FAM228B: variants seen among roughly 807,000 people sequenced by gnomAD.
The protein encoded by FAM228B is protein FAM228B.
Under a neutral mutation model 42.6 loss-of-function variants are expected in FAM228B, and 38 were observed. The ratio of observed to expected loss-of-function variants is 0.89; its 90% CI spans 0.69 to 1.17. The LOEUF (loss-of-function observed/expected upper bound fraction) is 1.17. FAM228B is among the 50% of genes most tolerant of loss of function. The pLI, the probability that FAM228B is intolerant of heterozygous loss-of-function variation, is 0.00. For missense variants in FAM228B, 344 were observed against 367.3 expected (o/e 0.94, Z 0.52); for synonymous variants, 109 against 122.3 (o/e 0.89, Z 0.72).
rs1034867868 is a variant in FAM228B at position 24,123,484 on chromosome 2, C to A, written c.-82C>A. 6.6e-6 allele frequency: 1 copy of A among 152,170 alleles called. No homozygotes were observed. Among genetic ancestry groups the A allele is most frequent in the East Asian group, 1.9e-4 (1 of 5,178 alleles). The allele number at this position is 152,170 out of a possible 1,614,324, so 9.4% of individuals were successfully genotyped here. ...CCGCCCGCGCGGACTCGCTGTGGAA[C>A]CCGCGGCGCAGGGGGCGGAGTGCTC... is the stretch of plus-strand genomic sequence containing the variant. On this transcript the variant is annotated 5_prime_UTR_variant, in exon 1 of 11. Coordinates refer to ENST00000615575, the MANE Select transcript of FAM228B (RefSeq NM_001145710.2).
chr2:24,157,353 G>A (rs1261458143), intron 7 of FAM228B, among the ~76,000 whole-genome samples: 1 of 152,018 alleles, frequency 6.6e-6, no homozygotes. Context: ...TATTTGGTAG[G>A]TACTATTACA....
rs1233698617 is a variant in FAM228B at position 24,146,808 on chromosome 2, A to G, written c.502A>G (p.Lys168Glu). The change falls in exon 6 of 11, where the codon AAA (lysine) becomes GAA (glutamate). Residue 168 changes from lysine to glutamate, a missense_variant. Lys to Glu is a moderately conservative substitution (Grantham distance 56). Coordinates refer to ENST00000615575, the MANE Select transcript of FAM228B (RefSeq NM_001145710.2). ...AGCACAATATGACAAGGATAACGAA[A>G]AAAGAACTCTTCTTCAGTGTGAGAC... ...KKAQYDKDNE[K>E]RTLLQCETGK... 1.3e-6 allele frequency: 2 copies of G among 1,549,730 alleles called. No homozygotes were observed. The highest frequency in any genetic ancestry group is 2.4e-5 in the East Asian group (1 of 40,884).
chr2:24,123,352 G>C (rs567605507), upstream of FAM228B: 1 of 152,226 alleles, frequency 6.6e-6, no homozygotes, highest in Admixed American at 6.5e-5. Flanking sequence ...CCACGCGCCG[G>C]TCACCGAGAA....
chr2:24,131,277 G>C (rs12328954), intron 2 of FAM228B, among the ~76,000 whole-genome samples: 17,897 of 152,030 alleles, frequency 0.12, 1,242 homozygotes, highest in South Asian at 0.18. Context: ...CTCCAGCTTT[G>C]TTCTTTTTGC....
At chr2:24,104,970 C>A (rs963925050) in intron 3 of FAM228B, among the ~76,000 whole-genome samples, 1 of 146,318 alleles carries the variant, frequency 6.8e-6, no homozygotes, top group East Asian at 1.9e-4. Flanking sequence ...GGTAGCCAGG[C>A]AAGCCACACC....
At chr2:24,167,734 T>C in intron 10 of FAM228B, 51 bp downstream of exon 10, 1 of 1,543,606 alleles carries the variant, frequency 6.5e-7, no homozygotes, top group Non-Finnish European at 8.8e-7. Context: ...TTACCCCTGT[T>C]TCTTGCCACT....
At chr2:24,148,741 T>G (rs891871532) in intron 7 of FAM228B, among the ~76,000 whole-genome samples, 2 of 152,136 alleles carry the variant, frequency 1.3e-5, no homozygotes, top group Non-Finnish European at 2.9e-5. Flanking sequence ...ATTATACCCT[T>G]TTAGTTATTT....
intron 7 of FAM228B, among the ~76,000 whole-genome samples, chr2:24,155,493 T>C (rs1667113024): frequency 7.3e-6 from 1 of 136,712 alleles, no homozygotes; most frequent in African/African-American, 2.7e-5. Context: ...CAGAAGTCAT[T>C]GAAGACCATG....
Position 24,095,526 on chromosome 2 carries a change from G to C in FAM228B, c.-121+297G>C, listed in dbSNP as rs538493991. On this transcript the variant is annotated intron_variant, in intron 3 of 10. Coordinates refer to the FAM228B transcript ENST00000613899. The surrounding 1 kb of genome is among the most constrained non-coding windows in gnomAD (Gnocchi z 4.8). ...ACTGCTAGTGCAGCAGTCTGAGATC[G>C]AACTGTGAGGCGGCAGCCTGGCTGG... The C allele has an allele frequency of 6.6e-6, 1 of 152,412 alleles. No homozygotes were observed. The highest frequency in any genetic ancestry group is 1.5e-5 in the Non-Finnish European group (1 of 68,172). The allele number at this position is 152,412 out of a possible 1,614,324, so 9.4% of individuals were successfully genotyped here. A position where few individuals can be genotyped will look rare whatever the true frequency, so the allele number is the denominator to read the frequency against.
At chr2:24,121,861 A>G (rs970598661), upstream of FAM228B, among the ~76,000 whole-genome samples, 1 of 152,182 alleles carries the variant, frequency 6.6e-6, no homozygotes, top group Non-Finnish European at 1.5e-5. Context: ...CATGAGTGGA[A>G]GCAGCCTGAG....
At chr2:24,129,982 G>C (rs1666416276) in intron 2 of FAM228B, among the ~76,000 whole-genome samples, 1 of 152,050 alleles carries the variant, frequency 6.6e-6, no homozygotes, top group African/African-American at 2.4e-5. Flanking sequence ...CCCTCGACTG[G>C]CCCTGATGTG....
At position 24,077,907 on chromosome 2, in the gene FAM228B, G is replaced by T; in HGVS notation, c.-290+938G>T. 1 of 800,544 alleles carries T rather than the reference G, an allele frequency of 1.2e-6. No individual in the cohort carries two copies. Among genetic ancestry groups the T allele is most frequent in the Non-Finnish European group, 2.0e-6 (1 of 512,174 alleles). 49.6% of individuals were successfully genotyped at this position (800,544 alleles called of 1,614,324 possible). ...TAACCCCTCACTTCCTAGCATGTGT[G>T]TGAAATACCCTTGAAGGAGTCATGT... is the stretch of plus-strand genomic sequence containing the variant. On this transcript the variant is annotated intron_variant, in intron 1 of 10. Transcript: ENST00000613899. The surrounding 1 kb of genome is among the most constrained non-coding windows in gnomAD (Gnocchi z 5.5).
Position 24,077,437 on chromosome 2 carries a change from A to C in FAM228B, c.-290+468A>C. On this transcript the variant is annotated intron_variant, in intron 1 of 10. Transcript: ENST00000613899. This position sits in a 1 kb window ranked among gnomAD's most constrained non-coding sequence, Gnocchi z 5.5. Reference sequence around the variant, plus strand: ...GCCCCAGTCCGCGTGCCACCCTTCCAGTTCACTCTTTATTTCCTCATATCA... The same window carrying C: ...GCCCCAGTCCGCGTGCCACCCTTCCCGTTCACTCTTTATTTCCTCATATCA... 4 of 975,080 alleles carry C rather than the reference A, an allele frequency of 4.1e-6. No homozygotes were observed. Among genetic ancestry groups the C allele is most frequent in the Non-Finnish European group, 4.2e-6 (3 of 709,494 alleles). The allele number at this position is 975,080 out of a possible 1,614,324, so 60.4% of individuals were successfully genotyped here. A position where few individuals can be genotyped will look rare whatever the true frequency, so the allele number is the denominator to read the frequency against.
chr2:24,154,119 G>GCT (rs1469592795), intron 7 of FAM228B, among the ~76,000 whole-genome samples: 1 of 36,396 alleles, frequency 2.7e-5, no homozygotes, highest in African/African-American at 4.2e-5. Context: ...TGTCCCTCCT[G>GCT]CTCTCCTCAT....
intron 7 of FAM228B, among the ~76,000 whole-genome samples, chr2:24,155,059 C>G (rs1234800302): frequency 6.6e-6 from 1 of 151,980 alleles, no homozygotes; most frequent in Non-Finnish European, 1.5e-5. Context: ...AGGTTCCATC[C>G]AAACCAGGAG....
At chr2:24,155,760 C>T (rs1375565117) in intron 7 of FAM228B, among the ~76,000 whole-genome samples, 21 of 151,654 alleles carry the variant, frequency 1.4e-4, no homozygotes, top group African/African-American at 4.4e-4. Context: ...AGGCTGGTCT[C>T]GAACTCCTGA....
At position 24,084,392 on chromosome 2, in the gene FAM228B, AG is replaced by A; in HGVS notation, c.-210+3440del. Reference sequence around the variant, plus strand: ...AGGGCAGGGCAGGGCAGGACAGGACAGGGCAGGGCAGGACAGGACAGGGCAG... The same window carrying A: ...AGGGCAGGGCAGGGCAGGACAGGACAGGCAGGGCAGGACAGGACAGGGCAG... On this transcript the variant is annotated intron_variant, in intron 2 of 10. Coordinates refer to the FAM228B transcript ENST00000613899. The surrounding 1 kb of genome is among the most constrained non-coding windows in gnomAD (Gnocchi z 8.4). 1 of 1,508,154 alleles carries A rather than the reference AG, an allele frequency of 6.6e-7. No homozygotes were observed. The allele number at this position is 1,508,154 out of a possible 1,614,324, so 93.4% of individuals were successfully genotyped here.
chr2:24,157,208 T>C (rs1197078453), intron 7 of FAM228B, among the ~76,000 whole-genome samples: 2 of 152,198 alleles, frequency 1.3e-5, no homozygotes, highest in African/African-American at 4.8e-5. Flanking sequence ...TAATTTTGAT[T>C]TTCTTAAATT....
At chr2:24,126,877 G>A (rs1666323368) in intron 2 of FAM228B, among the ~76,000 whole-genome samples, 1 of 152,116 alleles carries the variant, frequency 6.6e-6, no homozygotes, top group South Asian at 2.1e-4. Flanking sequence ...GCCCGCCTCG[G>A]CCTCCCAAAG....
Sources: allele counts gnomAD v4.1 joint callset (sites outside exome capture counted in the v4.1 genomes callset), GRCh38; gene constraint gnomAD v4.1.1; non-coding constraint Gnocchi (gnomAD v3.1); transcripts MANE v1.5; gene names NCBI Gene and HGNC (gene_info 2026-07-23, HGNC 2026-07-21).